Variants in SLC9A6 observed in about 807,000 individuals in gnomAD.
The protein encoded by SLC9A6 is sodium/hydrogen exchanger 6.
Under a neutral mutation model 45.3 loss-of-function variants are expected in SLC9A6, and 6 were observed. The ratio of observed to expected loss-of-function variants is 0.13; its 90% confidence interval spans 0.07 to 0.26. SLC9A6 has a LOEUF of 0.26. Ranked by LOEUF, SLC9A6 falls within the 10% of genes least tolerant of loss-of-function variation. SLC9A6 has a pLI of 1.00. For synonymous variants in SLC9A6, 191 were observed against 187.7 expected, an observed-to-expected ratio of 1.02 and a Z score of -0.14; for missense variants, 278 against 503.7, an observed-to-expected ratio of 0.55 and a Z score of 4.29.
chrX:136,009,792 C>T (rs1370707923), intron 7 of SLC9A6, among the ~76,000 whole-genome samples: 1 of 112,228 alleles, frequency 8.9e-6, no homozygotes, highest in Non-Finnish European at 1.9e-5. Context: ...GAGTGACTTT[C>T]TTTCAGAAGT....
intron 13 of SLC9A6, among the ~76,000 whole-genome samples, chrX:136,027,824 A>G (rs2071255097): frequency 8.9e-6 from 1 of 112,652 alleles, no homozygotes; most frequent in Non-Finnish European, 1.9e-5. Context: ...GAAGTCATTT[A>G]CAGTGTAAAA....
At position 136,002,091 on chromosome X, in the gene SLC9A6, C is replaced by T; in HGVS notation, c.638-17C>T. On this transcript the variant is annotated splice_polypyrimidine_tract_variant and intron_variant, in intron 6 of 17. Transcript: ENST00000630721. ...TTGTAATGTCTAAGTATTCCTCTGACTCTTTTTACTTACTAGTGACTGTTC... is the reference window on the plus strand; with the variant it reads ...TTGTAATGTCTAAGTATTCCTCTGATTCTTTTTACTTACTAGTGACTGTTC... 9.4e-7 allele frequency: 1 copy of T among 1,064,416 alleles called. No homozygotes were observed. The highest frequency in any genetic ancestry group is 3.0e-5 in the East Asian group (1 of 33,114). The allele number at this position is 1,064,416 out of a possible 1,213,427, so 87.7% of individuals were successfully genotyped here.
intron 4 of SLC9A6, 91 bp downstream of exon 4, chrX:135,998,276 C>T (rs1227233558): frequency 9.6e-6 from 6 of 623,820 alleles, no homozygotes; most frequent in Non-Finnish European, 1.6e-5. Flanking sequence ...CTGTTCTTTC[C>T]AGATTACCCT....
At chrX:136,002,326 G>T (rs1005176834) in intron 7 of SLC9A6, 113 bp downstream of exon 7, 1 of 578,378 alleles carries the variant, frequency 1.7e-6, no homozygotes, top group Non-Finnish European at 2.9e-6. Context: ...GAAGAATGAG[G>T]CATTTTTTTC....
intron 3 of SLC9A6, among the ~76,000 whole-genome samples, chrX:135,997,620 C>A (rs1318836126): frequency 2.8e-5 from 3 of 106,112 alleles, no homozygotes; most frequent in African/African-American, 1.1e-4. Flanking sequence ...GTTGGCTAGG[C>A]TGGCCTTGAA....
intron 2 of SLC9A6, among the ~76,000 whole-genome samples, chrX:135,986,099 C>T (rs2089335795): frequency 9.1e-6 from 1 of 110,455 alleles, no homozygotes; most frequent in Non-Finnish European, 1.9e-5. Flanking sequence ...CACCCTTTCC[C>T]TGCCTACCAA....
In SLC9A6 at chrX:135,994,173, C is replaced by T. The variant is rs901761874; in HGVS notation, c.170-613C>T. 1.3e-4 allele frequency among the ~76,000 whole-genome samples: 14 copies of T among 106,640 alleles called. No individual in the cohort carries two copies. The East Asian group carries it at 3.0e-3, about 23-fold the overall frequency. 92.6% of individuals were successfully genotyped at this position (106,640 alleles called of 115,157 possible). A position where few individuals can be genotyped will look rare whatever the true frequency, so the allele number is the denominator to read the frequency against. On this transcript the variant is annotated intron_variant, in intron 2 of 17. Transcript: ENST00000630721. ...AGGCTGGAGTGAAGTGGCATGATCT[C>T]GGCTCACTGCAACCTCTGCCTCCTG...
chrX:135,996,805 C>G (rs1466788304), intron 3 of SLC9A6, among the ~76,000 whole-genome samples: 4 of 109,945 alleles, frequency 3.6e-5, no homozygotes, highest in East Asian at 5.7e-4. Context: ...CTCGCTCTGT[C>G]GCCCAGGCTG....
chrX:136,041,384 G>C (rs1450590754), intron 17 of SLC9A6, among the ~76,000 whole-genome samples: 2 of 111,598 alleles, frequency 1.8e-5, no homozygotes, highest in Non-Finnish European at 3.8e-5. Flanking sequence ...AGAGTAGGCA[G>C]AGTAGGGGTG....
At chrX:135,995,510 GA>G (rs1223582333) in intron 3 of SLC9A6, among the ~76,000 whole-genome samples, 1 of 110,221 alleles carries the variant, frequency 9.1e-6, no homozygotes. Flanking sequence ...TTTTAGTAGA[GA>G]CGGGGTTCTA....
At chrX:135,980,870 T>C (rs782792722), upstream of SLC9A6, among the ~76,000 whole-genome samples, 3 of 112,550 alleles carry the variant, frequency 2.7e-5, no homozygotes, top group East Asian at 2.8e-4. Flanking sequence ...GAGACATTTA[T>C]TGATGCACAG....
intron 10 of SLC9A6, among the ~76,000 whole-genome samples, chrX:136,013,880 G>A (rs6635209): frequency 0.074 from 8,213 of 111,683 alleles, 330 homozygotes; most frequent in African/African-American, 0.16. Context: ...CATGACATAG[G>A]TAAGATTAGC....
chrX:136,022,821 T>C (rs1391388240), intron 12 of SLC9A6, 124 bp downstream of exon 12: 2 of 368,009 alleles, frequency 5.4e-6, no homozygotes, highest in African/African-American at 5.4e-5. Context: ...TATTATTTAT[T>C]TATTTAGAGA....
rs782545475 is a variant in SLC9A6 at position 136,030,623 on chromosome X, TC to T, written c.1581+464del. ...AAGCTTTTGAATCTTCAACCAGTCTTCCCTGCCTGCTCAGGGAAACGCACTT... is the reference window on the plus strand; with the variant it reads ...AAGCTTTTGAATCTTCAACCAGTCTTCCTGCCTGCTCAGGGAAACGCACTT... On this transcript the variant is annotated intron_variant, in intron 15 of 17. Transcript: ENST00000630721. Among the ~76,000 whole-genome samples the T allele has an allele frequency of 1.1e-4, 12 of 111,678 alleles. No individual in the cohort carries two copies. The East Asian group carries it at 2.8e-3, about 26-fold the overall frequency.
rs1556620040 is a variant in SLC9A6, at chrX:136,022,667, T to C, written c.1276T>C (p.Ser426Pro). ...TTTGGGTAGAAGAAGTAAGATTGGA[T>C]CAAATTTTCAACACATGATGATGTT... ...LNLGRRSKIG[S>P]NFQHMMMFAG... is the part of the protein sequence containing the mutation. The change falls in exon 12 of 18, where the codon TCA becomes CCA. Residue 426 changes from serine to proline, a missense_variant. Physicochemically the swap from Ser to Pro is moderately conservative, Grantham distance 74 (BLOSUM62 -1). Transcript: ENST00000630721. 1.7e-6 allele frequency: 2 copies of C among 1,186,840 alleles called. No individual in the cohort carries two copies. Among genetic ancestry groups the C allele is most frequent in the Non-Finnish European group, 2.3e-6 (2 of 875,749 alleles).
Position 136,010,431 on chromosome X carries a change from CTCTT to C in SLC9A6, c.744-10_744-7del. 8.3e-7 allele frequency: 1 copy of C among 1,209,657 alleles called. No individual in the cohort carries two copies. Among genetic ancestry groups the C allele is most frequent in the Non-Finnish European group, 1.1e-6 (1 of 893,816 alleles). Reference sequence around the variant, plus strand: ...TTGTTTTCAGAAGTAAAAGCAGTCTCTCTTCTGTAGCTCAATAGTGGCATACCAG... The same window carrying C: ...TTGTTTTCAGAAGTAAAAGCAGTCTCCTGTAGCTCAATAGTGGCATACCAG... On this transcript the variant is annotated splice_polypyrimidine_tract_variant and splice_region_variant and intron_variant, in intron 7 of 17. Transcript: ENST00000630721.
At chrX:135,997,357 G>A (rs2089518306) in intron 3 of SLC9A6, among the ~76,000 whole-genome samples, 1 of 107,917 alleles carries the variant, frequency 9.3e-6, no homozygotes, top group Admixed American at 9.9e-5. Flanking sequence ...CACCCAGCCA[G>A]GCTTCTTTTA....
chrX:135,997,096 C>T (rs1556616679), intron 3 of SLC9A6, among the ~76,000 whole-genome samples: 1 of 105,846 alleles, frequency 9.4e-6, no homozygotes, highest in African/African-American at 3.5e-5. Flanking sequence ...TGGAGTTTTG[C>T]TCTTGTTGCC....
At chrX:136,000,046 G>A (rs1223838846) in intron 6 of SLC9A6, among the ~76,000 whole-genome samples, 3 of 108,104 alleles carry the variant, frequency 2.8e-5, no homozygotes, top group African/African-American at 6.7e-5. Flanking sequence ...CTGTGAGTTC[G>A]AGACCAGCCT....
Sources: allele counts gnomAD v4.1 joint callset (sites outside exome capture counted in the v4.1 genomes callset), GRCh38; gene constraint gnomAD v4.1.1; transcripts MANE v1.5; gene names NCBI Gene and HGNC (gene_info 2026-07-23, HGNC 2026-07-21).